The following SLC26A1 variants were observed in gnomAD, a reference collection of about 807,000 sequenced individuals.
The protein encoded by SLC26A1 is solute carrier family 26 member 1.
SLC26A1 carries 18 observed loss-of-function variants against 14.5 expected under a neutral mutation model. The ratio of observed to expected loss-of-function variants is 1.24; its 90% CI spans 0.86 to 1.84. The LOEUF is 1.84. SLC26A1 is among the 40% of genes most tolerant of loss of function. The pLI, the probability that SLC26A1 is intolerant of heterozygous loss-of-function variation, is 0.00. For missense variants in SLC26A1, 1,049 were observed against 1,020.0 expected, an observed-to-expected ratio of 1.03 and a Z score of -0.39; for synonymous variants, 505 against 492.0, an observed-to-expected ratio of 1.03 and a Z score of -0.35.
At chr4:987,170 C>G (rs768462916), downstream of SLC26A1, 22 of 1,451,100 alleles carry the variant, frequency 1.5e-5, no homozygotes, top group South Asian at 5.4e-5. Flanking sequence ...GCCGAGGCCC[C>G]GCACCTGGTG....
At chr4:980,541 G>A (rs940885496) in intron 2 of SLC26A1, among the ~76,000 whole-genome samples, 23 of 148,724 alleles carry the variant, frequency 1.5e-4, no homozygotes, top group Non-Finnish European at 2.8e-4. Context: ...AGCCAGGATC[G>A]CGCCACTGCA....
rs776530154 is a variant in SLC26A1, at chr4:990,333, G to A, written c.606C>T (p.Phe202=). The A allele has an allele frequency of 1.7e-5, 28 of 1,603,690 alleles. No individual in the cohort carries two copies. Among genetic ancestry groups the A allele is most frequent in the Middle Eastern group, 1.7e-4 (1 of 5,932 alleles). Residue 202 remains phenylalanine (F), a synonymous_variant, in exon 3 of 3, where the codon TTC becomes TTT. Coordinates refer to ENST00000398516, the MANE Select transcript of SLC26A1 (RefSeq NM_022042.4). The part of the protein sequence containing the change: ...QVLMGVLRLG[F]VSAYLSQPLL... ...GTGGCTGTGAGAGGTAGGCGGACAC[G>A]AAGCCCAGCCGGAGGACGCCCATGA... is the stretch of plus-strand genomic sequence containing the variant.
At chr4:987,514 G>T, downstream of SLC26A1, 1 of 889,308 alleles carries the variant, frequency 1.1e-6, no homozygotes, top group Non-Finnish European at 1.6e-6. Context: ...GGACGGCCCT[G>T]CAGCGGGACC....
At chr4:980,731 C>T (rs1713514384) in intron 2 of SLC26A1, among the ~76,000 whole-genome samples, 1 of 151,856 alleles carries the variant, frequency 6.6e-6, no homozygotes, top group African/African-American at 2.4e-5. Flanking sequence ...GGAAGGATTA[C>T]GCTGCAGACG....
Position 987,889 on chromosome 4 carries a change from T to C in SLC26A1, c.*944A>G, listed in dbSNP as rs1283637061. On this transcript the variant is annotated 3_prime_UTR_variant, in exon 3 of 3. Transcript: ENST00000398516. ...CTCAACCTCGCCTATGTGGGCGCCG[T>C]CCCTCACCGCGGCATCAAGCAGGTC... 1 of 1,610,692 alleles carries C rather than the reference T, an allele frequency of 6.2e-7. No homozygotes were observed. The highest frequency in any genetic ancestry group is 8.5e-7 in the Non-Finnish European group (1 of 1,179,214).
At position 991,872 on chromosome 4, in the gene SLC26A1, C is replaced by T. The variant is rs529344333; in HGVS notation, c.-27-142G>A. ...TTGGTGCTGGGCCTTCTCCTGGCAGCGCGGGCCCCAGCCCCCTGCCCGGTA... is the reference window on the plus strand; with the variant it reads ...TTGGTGCTGGGCCTTCTCCTGGCAGTGCGGGCCCCAGCCCCCTGCCCGGTA... On this transcript the variant is annotated intron_variant, in intron 1 of 2. Coordinates refer to ENST00000398516, the MANE Select transcript of SLC26A1 (RefSeq NM_022042.4). The T allele has an allele frequency of 9.8e-5, 144 of 1,471,506 alleles. 1 individual carries two copies. Among genetic ancestry groups the T allele is most frequent in the South Asian group, 8.9e-4 (73 of 81,902 alleles). 91.2% of individuals were successfully genotyped at this position (1,471,506 alleles called of 1,614,324 possible). A position where few individuals can be genotyped will look rare whatever the true frequency, so the allele number is the denominator to read the frequency against.
chr4:980,500 C>T lies in SLC26A1; in HGVS notation c.577-996G>A, dbSNP rs533854317. 7.8e-4 allele frequency among the ~76,000 whole-genome samples: 118 copies of T among 151,358 alleles called. 1 individual carries two copies. The East Asian group carries it at 9.2e-3, about 12-fold the overall frequency. ...ACTTGGGAGGCTGAGGCAGGAGAAT[C>T]GCTTGAACCCGGGAGGTGGAGGCTG... On this transcript the variant is annotated intron_variant, in intron 2 of 2. Transcript: ENST00000398520.
downstream of SLC26A1, chr4:987,080 T>C (rs1446479378): frequency 3.4e-6 from 5 of 1,491,700 alleles, no homozygotes; most frequent in Non-Finnish European, 3.5e-6. Flanking sequence ...CGAGCACGCG[T>C]GGCCATGCGT....
downstream of SLC26A1, among the ~76,000 whole-genome samples, chr4:982,810 T>C (rs17783233): frequency 0.11 from 16,490 of 152,220 alleles, 1,185 homozygotes; most frequent in South Asian, 0.31. Context: ...CTCACTGAAA[T>C]AAACCCTGGG....
intron 2 of SLC26A1, chr4:979,518 G>A: frequency 6.2e-7 from 1 of 1,613,144 alleles, no homozygotes; most frequent in South Asian, 1.1e-5. Flanking sequence ...GAAGGAAGTG[G>A]CCGGGAAGGG....
exon 3 of SLC26A1, chr4:979,193 C>G: frequency 1.9e-6 from 1 of 524,570 alleles, no homozygotes; most frequent in South Asian, 2.6e-5. Flanking sequence ...TGACTGGTTA[C>G]ATCATCCACA....
chr4:987,235 G>A (rs1464018673), downstream of SLC26A1: 6 of 1,512,246 alleles, frequency 4.0e-6, no homozygotes, highest in Admixed American at 2.0e-5. Flanking sequence ...GAGGAGCACA[G>A]GCTTCTGGTG....
Position 988,179 on chromosome 4 carries a change from T to A in SLC26A1, c.*654A>T. On this transcript the variant is annotated 3_prime_UTR_variant, in exon 3 of 3. Coordinates refer to ENST00000398516, the MANE Select transcript of SLC26A1 (RefSeq NM_022042.4). ...TGCAGGTCTCCCTGCAGGCTCAGGGTTGGCTGCGCCGCACCTGGCTCCTGG... is the reference window on the plus strand; with the variant it reads ...TGCAGGTCTCCCTGCAGGCTCAGGGATGGCTGCGCCGCACCTGGCTCCTGG... 1.4e-6 allele frequency: 2 copies of A among 1,380,972 alleles called. No individual in the cohort carries two copies. The highest frequency in any genetic ancestry group is 3.4e-5 in the South Asian group (2 of 59,548). 85.5% of individuals were successfully genotyped at this position (1,380,972 alleles called of 1,614,324 possible).
intron 2 of SLC26A1, among the ~76,000 whole-genome samples, chr4:981,794 G>C (rs973784219): frequency 2.6e-5 from 4 of 152,182 alleles, no homozygotes; most frequent in Non-Finnish European, 5.9e-5. Context: ...GAACCAGCAA[G>C]AACCTGGCCT....
chr4:979,388 T>G, exon 3 of SLC26A1: 1 of 1,376,640 alleles, frequency 7.3e-7, no homozygotes, highest in Non-Finnish European at 1.0e-6. Flanking sequence ...GTCGTTGATG[T>G]CGGCATTTCC....
downstream of SLC26A1, among the ~76,000 whole-genome samples, chr4:984,990 A>G (rs1312811731): frequency 6.6e-6 from 1 of 152,050 alleles, no homozygotes; most frequent in Non-Finnish European, 1.5e-5. Flanking sequence ...GTTTTGTTTT[A>G]CCTTCCTCCA....
At chr4:987,630 T>TC, downstream of SLC26A1, 1 of 1,444,162 alleles carries the variant, frequency 6.9e-7, no homozygotes, top group South Asian at 1.4e-5. Context: ...CTGCTGCCGT[T>TC]CCCCATGAAG....
At chr4:986,704 C>G, downstream of SLC26A1, 2 of 449,718 alleles carry the variant, frequency 4.4e-6, no homozygotes, top group South Asian at 1.6e-5. Flanking sequence ...TTGCAGTGAG[C>G]TGAGATCGCG....
intron 1 of SLC26A1, chr4:992,373 CAGGAAG>C (rs1714434610): frequency 2.8e-6 from 1 of 362,908 alleles, no homozygotes; most frequent in Non-Finnish European, 5.6e-6. Flanking sequence ...GCGGAAGTCT[CAGGAAG>C]AGGCCTCCTA....
Sources: allele counts gnomAD v4.1 joint callset (sites outside exome capture counted in the v4.1 genomes callset), GRCh38; gene constraint gnomAD v4.1.1; transcripts MANE v1.5; gene names NCBI Gene and HGNC (gene_info 2026-07-23, HGNC 2026-07-21).